LRMDA: variants seen among roughly 807,000 people sequenced by gnomAD.
LRMDA encodes leucine rich melanocyte differentiation associated.
LRMDA carries 18 observed loss-of-function variants against 29.8 expected under a neutral mutation model. That is an observed-to-expected ratio of 0.60 (90% CI 0.42 to 0.90). The LOEUF (loss-of-function observed/expected upper bound fraction) is 0.90. Among genes scored for constraint, LRMDA ranks in the 40% least tolerant of loss-of-function variants. LRMDA has a pLI of 0.00. For synonymous variants in LRMDA, 125 were observed against 109.4 expected, an observed-to-expected ratio of 1.14 and a Z score of -0.89; for missense variants, 273 against 273.9, an observed-to-expected ratio of 1.00 and a Z score of 0.02.
At chr10:75,961,315 A>G (rs905407784) in intron 2 of LRMDA, among the ~76,000 whole-genome samples, 8 of 152,374 alleles carry the variant, frequency 5.3e-5, no homozygotes, top group African/African-American at 1.7e-4. Context: ...ATATAATTAC[A>G]TATTCCTAAT....
At chr10:76,176,564 C>T (rs959199348) in intron 5 of LRMDA, among the ~76,000 whole-genome samples, 6 of 152,184 alleles carry the variant, frequency 3.9e-5, no homozygotes, top group Admixed American at 1.3e-4. Context: ...GAGATTGAGG[C>T]GGGCGGATCA....
chr10:76,330,151 A>C (rs577777185), intron 6 of LRMDA, among the ~76,000 whole-genome samples: 1 of 152,210 alleles, frequency 6.6e-6, no homozygotes, highest in Admixed American at 6.5e-5. Flanking sequence ...TCGGAGGTGC[A>C]GGGGCAGAAT....
At chr10:75,662,340 G>C (rs1841764720) in intron 2 of LRMDA, among the ~76,000 whole-genome samples, 1 of 152,166 alleles carries the variant, frequency 6.6e-6, no homozygotes, top group Non-Finnish European at 1.5e-5. Flanking sequence ...GTAGATCATA[G>C]ACGGATGCTA....
chr10:75,518,405 A>G (rs1845318768), intron 2 of LRMDA, among the ~76,000 whole-genome samples: 1 of 152,176 alleles, frequency 6.6e-6, no homozygotes, highest in Non-Finnish European at 1.5e-5. Flanking sequence ...TAAGAGATTC[A>G]ACTTCTTCCT....
chr10:76,297,552 T>C (rs1413709215), intron 5 of LRMDA, among the ~76,000 whole-genome samples: 2 of 152,198 alleles, frequency 1.3e-5, no homozygotes, highest in East Asian at 3.8e-4. Flanking sequence ...TCATTCCAGC[T>C]TCCTTGTGTC....
chr10:76,516,331 G>T (rs1298347038), intron 6 of LRMDA, among the ~76,000 whole-genome samples: 1 of 143,348 alleles, frequency 7.0e-6, no homozygotes, highest in African/African-American at 2.5e-5. Flanking sequence ...AAAGCAATAA[G>T]TTTTTTTTAA....
At chr10:75,519,609 A>T (rs147955185) in intron 2 of LRMDA, among the ~76,000 whole-genome samples, 3,418 of 152,242 alleles carry the variant, frequency 0.022, 121 homozygotes, top group African/African-American at 0.078. Context: ...AATACAGCAC[A>T]TTGATGGGTC....
rs72809461 is a variant in LRMDA at position 75,653,617 on chromosome 10, C to T, written c.131+215123C>T. On this transcript the variant is annotated intron_variant, in intron 2 of 6. Coordinates refer to ENST00000611255, the MANE Select transcript of LRMDA (RefSeq NM_001305581.2). ...GTCTTGGGAGAGTGCCTGTGGGTTG[C>T]CCTTGCATGTGCTGTGTAACATACA... 6.9e-3 allele frequency among the ~76,000 whole-genome samples: 1,054 copies of T among 152,270 alleles called. 6 individuals carry two copies. The highest frequency in any genetic ancestry group is 0.011 in the Non-Finnish European group (734 of 68,018).
At chr10:75,507,178 G>T (rs528712666) in intron 2 of LRMDA, among the ~76,000 whole-genome samples, 1 of 149,684 alleles carries the variant, frequency 6.7e-6, no homozygotes, top group African/African-American at 2.5e-5. Context: ...ATGGTGTATT[G>T]TCAGTTCCTC....
At chr10:76,340,741 G>T (rs537901529) in intron 6 of LRMDA, among the ~76,000 whole-genome samples, 19 of 152,098 alleles carry the variant, frequency 1.2e-4, no homozygotes, top group Admixed American at 5.2e-4. Context: ...CATTCCCTTG[G>T]ATGTGCTAGC....
intron 6 of LRMDA, among the ~76,000 whole-genome samples, chr10:76,542,165 T>A (rs1399031063): frequency 6.6e-6 from 1 of 151,626 alleles, no homozygotes. Context: ...GGGTTTTAAA[T>A]GTTGTGCCAC....
At chr10:75,690,253 G>A (rs1034857790) in intron 2 of LRMDA, among the ~76,000 whole-genome samples, 2 of 152,152 alleles carry the variant, frequency 1.3e-5, no homozygotes, top group African/African-American at 4.8e-5. Context: ...TGTTATCTCA[G>A]TGTGACACAA....
intron 5 of LRMDA, among the ~76,000 whole-genome samples, chr10:76,256,315 A>T (rs1852592321): frequency 6.6e-6 from 1 of 152,172 alleles, no homozygotes; most frequent in South Asian, 2.1e-4. Context: ...GGAAACTTGG[A>T]AATTTTAGGT....
chr10:76,202,026 C>G (rs1293503992), intron 5 of LRMDA, among the ~76,000 whole-genome samples: 4 of 152,150 alleles, frequency 2.6e-5, no homozygotes, highest in Non-Finnish European at 5.9e-5. Flanking sequence ...CCTTTTTCAG[C>G]AGGTTAGTCT....
chr10:75,668,338 G>A (rs1393126929), intron 2 of LRMDA, among the ~76,000 whole-genome samples: 1 of 152,170 alleles, frequency 6.6e-6, no homozygotes, highest in Non-Finnish European at 1.5e-5. Flanking sequence ...GGCTACCTGG[G>A]ATGCTGTGTT....
rs559607301 is a variant in LRMDA at position 76,147,795 on chromosome 10, T to C, written c.516+89012T>C. ...AGAGTTTCCAGTTTTTCTGGTCTGT[T>C]TTTTTCCCATCTTTGTGGTTTTATC... On this transcript the variant is annotated intron_variant, in intron 5 of 6. Coordinates refer to ENST00000611255, the MANE Select transcript of LRMDA (RefSeq NM_001305581.2). 2.6e-5 allele frequency among the ~76,000 whole-genome samples: 4 copies of C among 152,318 alleles called. No homozygotes were observed. In the East Asian group the frequency reaches 7.7e-4, roughly 29 times the overall value.
intron 5 of LRMDA, among the ~76,000 whole-genome samples, chr10:76,067,026 G>A (rs540339521): frequency 1.3e-5 from 2 of 152,328 alleles, no homozygotes; most frequent in African/African-American, 4.8e-5. Flanking sequence ...ACAGGGGTTA[G>A]AGAGCTGTGT....
At chr10:75,616,090 G>C (rs1486212227) in intron 2 of LRMDA, among the ~76,000 whole-genome samples, 1 of 152,164 alleles carries the variant, frequency 6.6e-6, no homozygotes, top group African/African-American at 2.4e-5. Flanking sequence ...TGGGTGGGGA[G>C]GGCTCACAGT....
intron 6 of LRMDA, among the ~76,000 whole-genome samples, chr10:76,334,505 C>T (rs1488513075): frequency 5.3e-5 from 8 of 152,190 alleles, no homozygotes; most frequent in Admixed American, 6.5e-5. Context: ...TGGCTGCAAA[C>T]GGACTGAAAT....
Sources: gnomAD v4.1 joint callset for allele counts (sites outside exome capture counted in the v4.1 genomes callset) on GRCh38, gnomAD v4.1.1 for gene constraint, MANE v1.5 for transcripts, NCBI Gene and HGNC (gene_info 2026-07-23, HGNC 2026-07-21) for gene names.